The following ADAMTSL1 variants were observed in gnomAD, a reference collection of about 807,000 sequenced individuals.
The protein encoded by ADAMTSL1 is ADAMTS-like protein 1.
In ADAMTSL1, 126 loss-of-function variants were observed where a neutral mutation model predicts 201.8. The ratio of observed to expected loss-of-function variants is 0.62; its 90% CI spans 0.54 to 0.72. The LOEUF is 0.72. Ranked by LOEUF, ADAMTSL1 falls within the 30% of genes least tolerant of loss-of-function variation. The pLI, the probability that ADAMTSL1 is intolerant of heterozygous loss-of-function variation, is 0.00. For synonymous variants in ADAMTSL1, 1,121 were observed against 903.4 expected (o/e 1.24, Z -4.32); for missense variants, 2,679 against 2,277.8 (o/e 1.18, Z -3.59).
chr9:18,512,011 G>A (rs537569239), intron 2 of ADAMTSL1, among the ~76,000 whole-genome samples: 11 of 152,024 alleles, frequency 7.2e-5, no homozygotes, highest in South Asian at 4.2e-4. Flanking sequence ...GTTTTCCTTG[G>A]GAATGTTTGA....
intron 1 of ADAMTSL1, among the ~76,000 whole-genome samples, chr9:18,033,779 C>G (rs1035441157): frequency 3.3e-5 from 5 of 152,220 alleles, no homozygotes; most frequent in African/African-American, 1.2e-4. Context: ...GTTTGCAGCC[C>G]TTGAGTATAC....
intron 2 of ADAMTSL1, among the ~76,000 whole-genome samples, chr9:18,275,199 A>G (rs1203953555): frequency 6.6e-6 from 1 of 152,180 alleles, no homozygotes; most frequent in Non-Finnish European, 1.5e-5. Flanking sequence ...CATTACCTCT[A>G]ATAATGAAGT....
At chr9:18,548,794 AGC>A (rs1418775074) in intron 3 of ADAMTSL1, among the ~76,000 whole-genome samples, 1 of 152,056 alleles carries the variant, frequency 6.6e-6, no homozygotes, top group Non-Finnish European at 1.5e-5. Context: ...ACAGAAATAA[AGC>A]ATTAAATAGA....
intron 2 of ADAMTSL1, among the ~76,000 whole-genome samples, chr9:18,288,402 C>G: frequency 6.6e-6 from 1 of 151,876 alleles, no homozygotes; most frequent in East Asian, 1.9e-4. Context: ...TTTTTTTGTT[C>G]TTTAAATGTA....
intron 2 of ADAMTSL1, among the ~76,000 whole-genome samples, chr9:18,177,392 G>A (rs961058809): frequency 6.6e-6 from 1 of 152,174 alleles, no homozygotes; most frequent in Non-Finnish European, 1.5e-5. Context: ...GACACTGATG[G>A]AAATGTGGCT....
chr9:18,135,141 C>G (rs1319086983), intron 1 of ADAMTSL1, among the ~76,000 whole-genome samples: 2 of 152,142 alleles, frequency 1.3e-5, no homozygotes, highest in African/African-American at 4.8e-5. Context: ...TTATAAACAT[C>G]TGACTTAGAA....
chr9:18,800,537 A>G (rs1042763670), intron 20 of ADAMTSL1, among the ~76,000 whole-genome samples: 8 of 152,166 alleles, frequency 5.3e-5, no homozygotes, highest in African/African-American at 1.2e-4. Context: ...TTTCTCAGTA[A>G]GTACAGATGT....
chr9:18,059,438 G>T (rs1016063962), intron 1 of ADAMTSL1, among the ~76,000 whole-genome samples: 16 of 152,118 alleles, frequency 1.1e-4, no homozygotes, highest in African/African-American at 3.9e-4. Context: ...TCTTAATGTG[G>T]TGGGGAAAAT....
chr9:18,886,067 A>G (rs1464476544), intron 23 of ADAMTSL1, among the ~76,000 whole-genome samples: 1 of 151,072 alleles, frequency 6.6e-6, no homozygotes, highest in Admixed American at 6.6e-5. Context: ...CGAGCAGATC[A>G]CTTGAGGCCA....
chr9:18,844,550 C>A (rs545834388), intron 23 of ADAMTSL1, among the ~76,000 whole-genome samples: 3 of 152,302 alleles, frequency 2.0e-5, no homozygotes, highest in Non-Finnish European at 4.4e-5. Context: ...GCTGGGAGAA[C>A]CACTGCTCTC....
At chr9:18,171,993 G>A (rs975238290) in intron 2 of ADAMTSL1, among the ~76,000 whole-genome samples, 1 of 151,802 alleles carries the variant, frequency 6.6e-6, no homozygotes, top group African/African-American at 2.4e-5. Flanking sequence ...GGTTGTAGAT[G>A]TGGAAACCAT....
intron 23 of ADAMTSL1, among the ~76,000 whole-genome samples, chr9:18,840,987 G>T (rs956841200): frequency 2.7e-5 from 4 of 147,188 alleles, no homozygotes; most frequent in Non-Finnish European, 6.0e-5. Flanking sequence ...TGCAAACAGG[G>T]ACAATTTGAC....
chr9:18,890,796 G>C, intron 25 of ADAMTSL1: 2 of 346,186 alleles, frequency 5.8e-6, no homozygotes, highest in South Asian at 4.4e-5. Context: ...ATGCAGGCCT[G>C]ACATTCACCA....
intron 13 of ADAMTSL1, among the ~76,000 whole-genome samples, chr9:18,702,174 C>T (rs1831962170): frequency 6.6e-6 from 1 of 152,180 alleles, no homozygotes; most frequent in African/African-American, 2.4e-5. Context: ...ATGATTCAAT[C>T]ATCTCCCATC....
intron 11 of ADAMTSL1, 76 bp from the exon 12 acceptor site, chr9:18,681,736 A>G: frequency 8.0e-7 from 1 of 1,250,124 alleles, no homozygotes. Context: ...TTAGATTAAA[A>G]GTTTTCGATG....
upstream of ADAMTSL1, among the ~76,000 whole-genome samples, chr9:18,473,127 G>GA (rs1189054456): frequency 3.9e-5 from 6 of 152,146 alleles, no homozygotes; most frequent in Non-Finnish European, 8.8e-5. Context: ...ATAGTGGATG[G>GA]AAAAATGAGG....
intron 14 of ADAMTSL1, among the ~76,000 whole-genome samples, chr9:18,714,825 T>G (rs1172501168): frequency 1.3e-5 from 2 of 151,686 alleles, no homozygotes. Flanking sequence ...ATATCCTTGA[T>G]GAACATTGAT....
intron 20 of ADAMTSL1, among the ~76,000 whole-genome samples, chr9:18,808,768 A>G (rs899501118): frequency 2.0e-5 from 3 of 152,200 alleles, no homozygotes; most frequent in Non-Finnish European, 4.4e-5. Context: ...CAGTCCACAG[A>G]CAAAGATTTG....
At chr9:18,477,980 G>A (rs1821539926) in intron 1 of ADAMTSL1, among the ~76,000 whole-genome samples, 1 of 152,140 alleles carries the variant, frequency 6.6e-6, no homozygotes, top group South Asian at 2.1e-4. Context: ...GGAAATTGAA[G>A]TCTTTTGAGA....
Sources: gnomAD v4.1 joint callset for allele counts (sites outside exome capture counted in the v4.1 genomes callset) on GRCh38, gnomAD v4.1.1 for gene constraint, MANE v1.5 for transcripts, NCBI Gene and HGNC (gene_info 2026-07-23, HGNC 2026-07-21) for gene names.